Variants in SRRM5 observed in about 807,000 individuals in gnomAD.
The protein encoded by SRRM5 is serine/arginine repetitive matrix protein 5.
Under a neutral mutation model 1.3 loss-of-function variants are expected in SRRM5, and 1 was observed. The observed-to-expected ratio is 0.76, with a 90% CI of 0.27 to 3.59. SRRM5 has a LOEUF of 3.59. Among genes scored for constraint, SRRM5 ranks in the 30% most tolerant of loss-of-function variants. SRRM5 has a pLI of 0.19. For missense variants in SRRM5, 875 were observed against 914.5 expected, an observed-to-expected ratio of 0.96 and a Z score of 0.56; for synonymous variants, 275 against 320.2, an observed-to-expected ratio of 0.86 and a Z score of 1.51.
rs1250113295 is a variant in SRRM5, at chr19:43,613,671, AAG to A, written c.1558_1559del (p.Asp520SerfsTer5). 7.1e-6 allele frequency: 11 copies of A among 1,550,532 alleles called. No homozygotes were observed. The highest frequency in any genetic ancestry group is 5.5e-5 in the African/African-American group (4 of 73,002). On this transcript the variant is annotated frameshift_variant, in exon 3 of 3. Coordinates refer to the SRRM5 transcript ENST00000607544. LOFTEE classifies it low-confidence loss of function (END_TRUNC). ...TGCAGACAATCTAGAAGCTCCAGCAAAGAGAGAGATCACAGACGATCTAGAAG... is the reference window on the plus strand; with the variant it reads ...TGCAGACAATCTAGAAGCTCCAGCAAAGAGAGATCACAGACGATCTAGAAG...
In SRRM5 at chr19:43,612,912, G is replaced by T. The variant is rs754079033; in HGVS notation, c.791G>T (p.Ser264Ile). 6 of 1,551,614 alleles carry T rather than the reference G, an allele frequency of 3.9e-6. No homozygotes were observed. The highest frequency in any genetic ancestry group is 3.9e-5 in the Admixed American group (2 of 50,976). Reference sequence around the variant, plus strand: ...AGTTACAGCCCCACTGAAATGTCCAGCAGGGTCAAGAGTTATAACCAGGCC... The same window carrying T: ...AGTTACAGCCCCACTGAAATGTCCATCAGGGTCAAGAGTTATAACCAGGCC... ...EKSYSPTEMSSRVKSYNQAST... is the reference protein window; with the variant it reads ...EKSYSPTEMSIRVKSYNQAST... Residue 264 changes from serine (S) to isoleucine (I), a missense_variant, in exon 1 of 1, where the codon AGC becomes ATC. Coordinates refer to ENST00000417606, the MANE Select transcript of SRRM5 (RefSeq NM_001145641.2). The surrounding 1 kb of genome is among the most constrained non-coding windows in gnomAD (Gnocchi z 4.2).
At position 43,613,254 on chromosome 19, in the gene SRRM5, G is replaced by A; in HGVS notation, c.1133G>A (p.Arg378Lys). Residue 378 changes from arginine (R) to lysine (K), a missense_variant, in exon 1 of 1, where the codon AGG becomes AAG. Coordinates refer to ENST00000417606, the MANE Select transcript of SRRM5 (RefSeq NM_001145641.2). ...AGCTCCAGCAAAGAGAGAGATCACA[G>A]GGGATCTAGCAGCCCCAGGAAGGAG... ...SRSSSKERDH[R>K]GSSSPRKESG... 1 of 1,551,660 alleles carries A rather than the reference G, an allele frequency of 6.4e-7. No individual in the cohort carries two copies. The highest frequency in any genetic ancestry group is 8.7e-7 in the Non-Finnish European group (1 of 1,146,992).
rs1348962099 is a variant in SRRM5, at chr19:43,614,465, G to C, written c.*196G>C. 4.9e-6 allele frequency: 7 copies of C among 1,430,262 alleles called. No homozygotes were observed. The African/African-American group carries it at 8.6e-5, about 18-fold the overall frequency. The allele number at this position is 1,430,262 out of a possible 1,614,324, so 88.6% of individuals were successfully genotyped here. ...TAGGGGGAAAGGAAAGACCTGTGAT[G>C]ATTCAATAAATTTTTACATAGCACC... On this transcript the variant is annotated 3_prime_UTR_variant, in exon 1 of 1. Transcript: ENST00000417606.
rs1010210434 is a variant in SRRM5, at chr19:43,613,437, G to A, written c.1316G>A (p.Arg439Gln). 47 of 1,544,048 alleles carry A rather than the reference G, an allele frequency of 3.0e-5. 1 individual carries two copies. The highest frequency in any genetic ancestry group is 1.8e-4 in the African/African-American group (13 of 71,650). The change falls in exon 1 of 1, where the codon CGA (arginine) becomes CAA (glutamine). Residue 439 changes from arginine to glutamine, a missense_variant. Physicochemically the swap from Arg to Gln is conservative, Grantham distance 43 (BLOSUM62 1). Coordinates refer to ENST00000417606, the MANE Select transcript of SRRM5 (RefSeq NM_001145641.2). ...RSPNKARDCSRSRSPYKARDR... is the reference protein window; with the variant it reads ...RSPNKARDCSQSRSPYKARDR... ...CCCAACAAGGCGAGAGATTGCAGCC[G>A]ATCTAGAAGTCCCTACAAGGCGAGA... is the stretch of plus-strand genomic sequence containing the variant.
rs1292275594 is a variant in SRRM5, at chr19:43,612,789, C to G, written c.668C>G (p.Thr223Ser). The stretch of plus-strand genomic sequence containing the variant: ...AGTACAGCCAAGTGTCAAACCCCGA[C>G]TGGAATTCCCTCCAAGGAGAAGAGT... ...TPSTAKCQTP[T>S]GIPSKEKSDN... Residue 223 changes from threonine (T) to serine (S), a missense_variant, in exon 1 of 1, where the codon ACT (threonine) becomes AGT (serine). By Grantham distance (58) the Thr-to-Ser change is moderately conservative. Coordinates refer to ENST00000417606, the MANE Select transcript of SRRM5 (RefSeq NM_001145641.2). This position sits in a 1 kb window ranked among gnomAD's most constrained non-coding sequence, Gnocchi z 4.2. The G allele has an allele frequency of 1.9e-6, 3 of 1,551,522 alleles. No individual in the cohort carries two copies. Among genetic ancestry groups the G allele is most frequent in the East Asian group, 4.9e-5 (2 of 40,926 alleles).
chr19:43,613,436 C>A lies in SRRM5; in HGVS notation c.1315C>A (p.Arg439=), dbSNP rs1411475829. Residue 439 remains arginine, a synonymous_variant, in exon 1 of 1, where the codon CGA becomes AGA. Coordinates refer to ENST00000417606, the MANE Select transcript of SRRM5 (RefSeq NM_001145641.2). ...RSPNKARDCS[R]SRSPYKARDR... ...TCCCAACAAGGCGAGAGATTGCAGCCGATCTAGAAGTCCCTACAAGGCGAG... is the reference window on the plus strand; with the variant it reads ...TCCCAACAAGGCGAGAGATTGCAGCAGATCTAGAAGTCCCTACAAGGCGAG... 8 of 1,544,196 alleles carry A rather than the reference C, an allele frequency of 5.2e-6. No individual in the cohort carries two copies. Among genetic ancestry groups the A allele is most frequent in the Non-Finnish European group, 8.7e-7 (1 of 1,143,842 alleles).
rs1438571174 is a variant in SRRM5, at chr19:43,614,167, G to A, written c.2046G>A (p.Gly682=). ...ACTCCCCATCAACATTTCCCAGTGG[G>A]GGCCAAACCCTAAGCCAGGATGACA... The part of the protein sequence containing the change: ...SSHSPSTFPS[G]GQTLSQDDSQ... Residue 682 remains glycine (G), a synonymous_variant, in exon 1 of 1, where the codon GGG becomes GGA. Transcript: ENST00000417606. 2 of 1,614,070 alleles carry A rather than the reference G, an allele frequency of 1.2e-6. No individual in the cohort carries two copies. The highest frequency in any genetic ancestry group is 1.1e-5 in the South Asian group (1 of 91,078).
In SRRM5 at chr19:43,613,929, G is replaced by C. The variant is rs2146120261; in HGVS notation, c.1808G>C (p.Ser603Thr). Reference protein sequence around the residue: ...HSRSRSPNKQSGYSRPRASSK... With the variant: ...HSRSRSPNKQTGYSRPRASSK... ...CGATCTAGAAGCCCCAATAAGCAGA[G>C]TGGTTACAGTCGACCTAGAGCCTCC... is the stretch of plus-strand genomic sequence containing the variant. Residue 603 changes from serine (S) to threonine (T), a missense_variant, in exon 1 of 1, where the codon AGT (serine) becomes ACT (threonine). Ser to Thr is a moderately conservative substitution (Grantham distance 58, BLOSUM62 1). Transcript: ENST00000417606. 2.6e-6 allele frequency: 4 copies of C among 1,551,674 alleles called. No individual in the cohort carries two copies. The South Asian group carries it at 4.8e-5, about 18-fold the overall frequency.
Position 43,613,142 on chromosome 19 carries a change from C to T in SRRM5, c.1021C>T (p.Gln341Ter). 6.4e-7 allele frequency: 1 copy of T among 1,551,668 alleles called. No individual in the cohort carries two copies. Among genetic ancestry groups the T allele is most frequent in the South Asian group, 1.2e-5 (1 of 84,056 alleles). ...TAGAAGCCACAGCAAGGGGAAAAGTCAAAACCAATCTAGAACCCCCAGAAG... is the reference window on the plus strand; with the variant it reads ...TAGAAGCCACAGCAAGGGGAAAAGTTAAAACCAATCTAGAACCCCCAGAAG... The change falls in exon 3 of 3, where the codon CAA becomes TAA. Residue 341 changes from glutamine to a stop codon, truncating the protein, a stop_gained. Transcript: ENST00000607544. LOFTEE classifies it low-confidence loss of function (END_TRUNC).
rs1568534944 is a variant in SRRM5, at chr19:43,613,097, A to G, written c.976A>G (p.Met326Val). The change falls in exon 1 of 1, where the codon ATG becomes GTG. Residue 326 changes from methionine (M) to valine (V), a missense_variant. Coordinates refer to ENST00000417606, the MANE Select transcript of SRRM5 (RefSeq NM_001145641.2). ...CACCCGGAAGGGAATTCTGAGCCAGATGGGAAGACACAGCCAGTCTAGAAG... is the reference window on the plus strand; with the variant it reads ...CACCCGGAAGGGAATTCTGAGCCAGGTGGGAAGACACAGCCAGTCTAGAAG... Reference protein sequence around the residue: ...SRTRKGILSQMGRHSQSRSHS... With the variant: ...SRTRKGILSQVGRHSQSRSHS... 3 of 1,551,626 alleles carry G rather than the reference A, an allele frequency of 1.9e-6. No individual in the cohort carries two copies. The highest frequency in any genetic ancestry group is 1.7e-6 in the Non-Finnish European group (2 of 1,146,974).
Position 43,612,375 on chromosome 19 carries a change from G to A in SRRM5, c.254G>A (p.Arg85His), listed in dbSNP as rs1418177130. 2.1e-5 allele frequency: 32 copies of A among 1,551,560 alleles called. No individual in the cohort carries two copies. The East Asian group carries it at 4.2e-4, about 20-fold the overall frequency. The stretch of plus-strand genomic sequence containing the variant: ...CGGCCCAGCAGCAGGTCCCGAGTCC[G>A]CAGCAAAGCAAGAACACCCAGCAGG... The part of the protein sequence containing the change: ...SNRPSSRSRV[R>H]SKARTPSRVS... Residue 85 changes from arginine (R) to histidine (H), a missense_variant, in exon 1 of 1, where the codon CGC (arginine) becomes CAC (histidine). By Grantham distance (29) the Arg-to-His change is conservative (BLOSUM62 0). Coordinates refer to ENST00000417606, the MANE Select transcript of SRRM5 (RefSeq NM_001145641.2). This position sits in a 1 kb window ranked among gnomAD's most constrained non-coding sequence, Gnocchi z 4.2.
rs1973352148 is a variant in SRRM5 at position 43,614,474 on chromosome 19, A to C, written c.*205A>C. The C allele has an allele frequency of 1.4e-6, 2 of 1,424,732 alleles. No homozygotes were observed. Among genetic ancestry groups the C allele is most frequent in the East Asian group, 2.5e-5 (1 of 39,590 alleles). The allele number at this position is 1,424,732 out of a possible 1,614,324, so 88.3% of individuals were successfully genotyped here. A position where few individuals can be genotyped will look rare whatever the true frequency, so the allele number is the denominator to read the frequency against. On this transcript the variant is annotated 3_prime_UTR_variant, in exon 1 of 1. Transcript: ENST00000417606. Reference sequence around the variant, plus strand: ...AGGAAAGACCTGTGATGATTCAATAAATTTTTACATAGCACCCATCCCCAC... The same window carrying C: ...AGGAAAGACCTGTGATGATTCAATACATTTTTACATAGCACCCATCCCCAC...
rs113768858 is a variant in SRRM5 at position 43,614,309 on chromosome 19, G to C, written c.*40G>C. The C allele has an allele frequency of 1.4e-5, 23 of 1,599,886 alleles. No individual in the cohort carries two copies. The highest frequency in any genetic ancestry group is 3.4e-5 in the Admixed American group (2 of 58,378). On this transcript the variant is annotated 3_prime_UTR_variant, in exon 1 of 1. Transcript: ENST00000417606. ...TGGCTCACGGGTCTCTGTCATGACCGGGGGAGGGGACAGGAGACAGGAGCA... is the reference window on the plus strand; with the variant it reads ...TGGCTCACGGGTCTCTGTCATGACCCGGGGAGGGGACAGGAGACAGGAGCA...
Position 43,614,389 on chromosome 19 carries a change from G to A in SRRM5, c.*120G>A, listed in dbSNP as rs564805666. On this transcript the variant is annotated 3_prime_UTR_variant, in exon 1 of 1. Coordinates refer to ENST00000417606, the MANE Select transcript of SRRM5 (RefSeq NM_001145641.2). The stretch of plus-strand genomic sequence containing the variant: ...GCCAGCTCTCCACAGCCACACCTCC[G>A]GCCACAAGTTCTCTAATACAGGATG... 34 of 1,506,856 alleles carry A rather than the reference G, an allele frequency of 2.3e-5. No individual in the cohort carries two copies. Among genetic ancestry groups the A allele is most frequent in the East Asian group, 1.2e-4 (5 of 43,368 alleles). 93.3% of individuals were successfully genotyped at this position (1,506,856 alleles called of 1,614,324 possible).
Position 43,612,636 on chromosome 19 carries a change from GT to G in SRRM5, c.517del (p.Tyr173ThrfsTer19). The G allele has an allele frequency of 6.4e-7, 1 of 1,551,472 alleles. No individual in the cohort carries two copies. The highest frequency in any genetic ancestry group is 8.7e-7 in the Non-Finnish European group (1 of 1,146,958). On this transcript the variant is annotated frameshift_variant, in exon 3 of 3. Transcript: ENST00000607544. LOFTEE classifies it low-confidence loss of function (END_TRUNC). The surrounding 1 kb of genome is among the most constrained non-coding windows in gnomAD (Gnocchi z 4.2). ...CAGCAAAAAGGGAGCCGGGGAAAGA[GT>G]TACGGCCGGCCTAGAACCAGCAACA...
rs1045155777 is a variant in SRRM5 at position 43,613,754 on chromosome 19, C to T, written c.1633C>T (p.Arg545Cys). The T allele has an allele frequency of 5.8e-6, 9 of 1,551,382 alleles. No homozygotes were observed. The Admixed American group carries it at 5.9e-5, about 10-fold the overall frequency. The change falls in exon 1 of 1, where the codon CGC (arginine) becomes TGC (cysteine). Residue 545 changes from arginine to cysteine, a missense_variant. Coordinates refer to ENST00000417606, the MANE Select transcript of SRRM5 (RefSeq NM_001145641.2). Reference sequence around the variant, plus strand: ...TAGAAGCCCCAACAAGGAGAGAGATCGCAGCCAATCTAGAAGCCCCAGCGA... The same window carrying T: ...TAGAAGCCCCAACAAGGAGAGAGATTGCAGCCAATCTAGAAGCCCCAGCGA... ...QSRSPNKERDRSQSRSPSEER... is the reference protein window; with the variant it reads ...QSRSPNKERDCSQSRSPSEER...
In SRRM5 at chr19:43,612,565, T is replaced by C; in HGVS notation, c.444T>C (p.His148=). 1.3e-6 allele frequency: 2 copies of C among 1,551,334 alleles called. No individual in the cohort carries two copies. Among genetic ancestry groups the C allele is most frequent in the Non-Finnish European group, 1.7e-6 (2 of 1,146,942 alleles). The change falls in exon 1 of 1, where the codon CAT becomes CAC. Residue 148 remains histidine, a synonymous_variant. Coordinates refer to ENST00000417606, the MANE Select transcript of SRRM5 (RefSeq NM_001145641.2). The surrounding 1 kb of genome is among the most constrained non-coding windows in gnomAD (Gnocchi z 4.2). The part of the protein sequence containing the change: ...RASTPGRIRT[H]GARPGMASRV... ...GCACTCCTGGCAGGATAAGAACTCA[T>C]GGTGCCAGACCAGGCATGGCCAGCA...
Position 43,612,700 on chromosome 19 carries a change from G to T in SRRM5, c.579G>T (p.Lys193Asn). Reference protein sequence around the residue: ...RSDSQPRNLSKKSYRPPGGSG... With the variant: ...RSDSQPRNLSNKSYRPPGGSG... ...ACAGCCAGCCTAGAAATCTGAGCAA[G>T]AAGAGTTACCGCCCACCAGGAGGCT... Residue 193 changes from lysine to asparagine, a missense_variant, in exon 1 of 1, where the codon AAG (lysine) becomes AAT (asparagine). Transcript: ENST00000417606. This position sits in a 1 kb window ranked among gnomAD's most constrained non-coding sequence, Gnocchi z 4.2. The T allele has an allele frequency of 1.3e-6, 2 of 1,551,604 alleles. No homozygotes were observed. Among genetic ancestry groups the T allele is most frequent in the Non-Finnish European group, 1.7e-6 (2 of 1,146,988 alleles).
rs753741306 is a variant in SRRM5, at chr19:43,613,791, A to G, written c.1670A>G (p.His557Arg). 1.9e-6 allele frequency: 3 copies of G among 1,549,636 alleles called. No homozygotes were observed. In the South Asian group the frequency reaches 3.6e-5, roughly 18 times the overall value. Residue 557 changes from histidine (H) to arginine (R), a missense_variant, in exon 1 of 1, where the codon CAC becomes CGC. By Grantham distance (29) the His-to-Arg change is conservative. Transcript: ENST00000417606. Reference sequence around the variant, plus strand: ...AGAAGCCCCAGCGAGGAGAGAGAGCACAGACAATCCAGAAGCCCCAGCAAA... The same window carrying G: ...AGAAGCCCCAGCGAGGAGAGAGAGCGCAGACAATCCAGAAGCCCCAGCAAA... Reference protein sequence around the residue: ...QSRSPSEEREHRQSRSPSKER... With the variant: ...QSRSPSEERERRQSRSPSKER...
Sources: allele counts gnomAD v4.1 joint callset, GRCh38; gene constraint gnomAD v4.1.1; non-coding constraint Gnocchi (gnomAD v3.1); transcripts MANE v1.5; gene names NCBI Gene and HGNC (gene_info 2026-07-23, HGNC 2026-07-21).